CEP44: variants seen among roughly 807,000 people sequenced by gnomAD.
CEP44 encodes the protein centrosomal protein of 44 kDa.
In CEP44, 45 loss-of-function variants were observed where a neutral mutation model predicts 46.7. That is an observed-to-expected ratio of 0.96 (90% CI 0.76 to 1.24). The LOEUF (loss-of-function observed/expected upper bound fraction) is 1.24, where lower values mean the gene tolerates loss of function less well. Ranked by LOEUF, CEP44 falls within the 50% of genes most tolerant of loss-of-function variation. The probability of loss-of-function intolerance (pLI) is 0.00; values close to 1 mark genes in which losing one functional copy is unlikely to be tolerated. For missense variants in CEP44, 475 were observed against 459.7 expected (o/e 1.03, Z -0.30); for synonymous variants, 142 against 146.0 (o/e 0.97, Z 0.20).
Position 174,309,757 on chromosome 4 carries a change from C to G in CEP44, c.679-93C>G, listed in dbSNP as rs968100458. ...TCTCAAGCAGGACGGTCTCTCCTAA[C>G]TGTTGAGATAACGCTGTGGAAGTGA... On this transcript the variant is annotated intron_variant, in intron 7 of 11. Coordinates refer to ENST00000503780, the MANE Select transcript of CEP44 (RefSeq NM_001040157.3). The surrounding 1 kb of genome is among the most constrained non-coding windows in gnomAD (Gnocchi z 5.3). The G allele has an allele frequency of 2.4e-5, 21 of 863,992 alleles. No individual in the cohort carries two copies. The highest frequency in any genetic ancestry group is 3.6e-5 in the Non-Finnish European group (20 of 557,892). The allele number at this position is 863,992 out of a possible 1,614,324, so 53.5% of individuals were successfully genotyped here.
At chr4:174,322,160 GAA>G (rs1247198266), downstream of CEP44, among the ~76,000 whole-genome samples, 5 of 152,118 alleles carry the variant, frequency 3.3e-5, no homozygotes, top group African/African-American at 1.2e-4. Context: ...ACTGCCATGA[GAA>G]AGTAGAAAAA....
downstream of CEP44, among the ~76,000 whole-genome samples, chr4:174,321,131 C>G (rs149076815): frequency 1.3e-5 from 2 of 152,244 alleles, no homozygotes; most frequent in Non-Finnish European, 2.9e-5. Flanking sequence ...CTGCTCTTGA[C>G]CTACTTACTA....
chr4:174,332,979 A>G (rs1464360284), exon 9 of CEP44: 1 of 152,098 alleles, frequency 6.6e-6, no homozygotes, highest in Middle Eastern at 3.2e-3. Context: ...ACATTTTAAG[A>G]GTTCTTCGGA....
intron 4 of CEP44, among the ~76,000 whole-genome samples, chr4:174,303,027 A>G (rs757486104): frequency 6.6e-6 from 1 of 151,988 alleles, no homozygotes; most frequent in African/African-American, 2.4e-5. Context: ...TGCTCTGCCC[A>G]CCTTGGCCTC....
At chr4:174,330,517 A>T (rs915190874) in intron 8 of CEP44, among the ~76,000 whole-genome samples, 1 of 152,074 alleles carries the variant, frequency 6.6e-6, no homozygotes, top group South Asian at 2.1e-4. Flanking sequence ...TATGTGATAC[A>T]TGTAATTTTT....
At position 174,310,372 on chromosome 4, in the gene CEP44, G is replaced by A. The variant is rs1422294802; in HGVS notation, c.885+316G>A. ...TAAAATTATTTTATATCTTTTAATA[G>A]TACAAATAACCTATTTTCATAGGGT... On this transcript the variant is annotated intron_variant, in intron 8 of 11. Transcript: ENST00000503780. This position sits in a 1 kb window ranked among gnomAD's most constrained non-coding sequence, Gnocchi z 4.2. 6.6e-6 allele frequency among the ~76,000 whole-genome samples: 1 copy of A among 151,874 alleles called. No homozygotes were observed. The highest frequency in any genetic ancestry group is 6.6e-5 in the Admixed American group (1 of 15,238).
intron 9 of CEP44, among the ~76,000 whole-genome samples, chr4:174,313,573 T>C (rs911183949): frequency 6.6e-6 from 1 of 152,144 alleles, no homozygotes; most frequent in Non-Finnish European, 1.5e-5. Context: ...TTCACAAAGG[T>C]TATCATCAAA....
intron 8 of CEP44, among the ~76,000 whole-genome samples, chr4:174,330,852 A>C (rs1731284989): frequency 7.0e-6 from 1 of 143,390 alleles, no homozygotes; most frequent in African/African-American, 2.6e-5. Context: ...TTCATTCTCA[A>C]CCTCTTTATT....
Position 174,310,090 on chromosome 4 carries a change from C to A in CEP44, c.885+34C>A. The A allele has an allele frequency of 6.4e-7, 1 of 1,565,134 alleles. No individual in the cohort carries two copies. Among genetic ancestry groups the A allele is most frequent in the South Asian group, 1.2e-5 (1 of 83,996 alleles). On this transcript the variant is annotated intron_variant, in intron 8 of 11. Transcript: ENST00000503780. The surrounding 1 kb of genome is among the most constrained non-coding windows in gnomAD (Gnocchi z 4.2). ...CTCCTTTAACATTTATAAAATATCT[C>A]AGATATAACAAAGTTTTTTTTTGAT...
At chr4:174,283,871 G>A (rs1388964218), upstream of CEP44, 7 of 398,816 alleles carry the variant, frequency 1.8e-5, no homozygotes, top group Non-Finnish European at 3.1e-5. The surrounding 1 kb of genome is among the most constrained non-coding windows in gnomAD (Gnocchi z 6.7). Context: ...CAGGAGTCTT[G>A]AACGCGGTGT....
chr4:174,331,399 G>A lies in CEP44; in HGVS notation c.1087-83G>A. On this transcript the variant is annotated intron_variant, in intron 8 of 8. Transcript: ENST00000426172. The surrounding 1 kb of genome is among the most constrained non-coding windows in gnomAD (Gnocchi z 4.5). ...GAGGAGGAAATATTAATAGCACTCTGACACTGCTCTAATTCCTATCTACCC... is the reference window on the plus strand; with the variant it reads ...GAGGAGGAAATATTAATAGCACTCTAACACTGCTCTAATTCCTATCTACCC... 1 of 1,435,222 alleles carries A rather than the reference G, an allele frequency of 7.0e-7. No homozygotes were observed. Among genetic ancestry groups the A allele is most frequent in the Non-Finnish European group, 9.4e-7 (1 of 1,064,370 alleles). 88.9% of individuals were successfully genotyped at this position (1,435,222 alleles called of 1,614,324 possible).
intron 1 of CEP44, among the ~76,000 whole-genome samples, chr4:174,292,733 C>G (rs2126520167): frequency 6.6e-6 from 1 of 152,074 alleles, no homozygotes; most frequent in Non-Finnish European, 1.5e-5. Context: ...TATGCTTCTC[C>G]TTTATTGAAC....
chr4:174,323,861 C>T (rs1302257795), downstream of CEP44, among the ~76,000 whole-genome samples: 1 of 152,028 alleles, frequency 6.6e-6, no homozygotes, highest in East Asian at 1.9e-4. Context: ...AGAGCTGATC[C>T]TAATTTCCTG....
chr4:174,289,924 C>T (rs773771524), intron 1 of CEP44, among the ~76,000 whole-genome samples: 38 of 151,680 alleles, frequency 2.5e-4, no homozygotes, highest in Non-Finnish European at 5.0e-4. Flanking sequence ...CTGCAACCTC[C>T]GCCTCCCGGG....
chr4:174,291,444 C>T (rs911904362), intron 1 of CEP44, among the ~76,000 whole-genome samples: 5 of 152,194 alleles, frequency 3.3e-5, no homozygotes, highest in Non-Finnish European at 4.4e-5. Flanking sequence ...TAATTGATTT[C>T]AGATTTTACT....
Position 174,302,109 on chromosome 4 carries a change from G to C in CEP44, c.160G>C (p.Val54Leu). The change falls in exon 4 of 12, where the codon GTA (valine) becomes CTA (leucine). Residue 54 changes from valine to leucine, a missense_variant. Transcript: ENST00000503780. ...SYSFTSYSPY[V>L]TELIMESNVE... ...TTCTTTTACCTCATACTCACCTTAT[G>C]TAACAGAACTTATAATGGAATCCAA... 1 of 1,612,086 alleles carries C rather than the reference G, an allele frequency of 6.2e-7. No individual in the cohort carries two copies. The highest frequency in any genetic ancestry group is 1.3e-5 in the African/African-American group (1 of 74,916).
Position 174,297,141 on chromosome 4 carries a change from A to G in CEP44, c.-147-825A>G, listed in dbSNP as rs1739131679. On this transcript the variant is annotated intron_variant, in intron 1 of 11. Coordinates refer to ENST00000503780, the MANE Select transcript of CEP44 (RefSeq NM_001040157.3). The surrounding 1 kb of genome is among the most constrained non-coding windows in gnomAD (Gnocchi z 4.3). ...TATAGACAACATGTAGTTAGATCTTATTTTTGATCCACTTTAACAATCTCT... is the reference window on the plus strand; with the variant it reads ...TATAGACAACATGTAGTTAGATCTTGTTTTTGATCCACTTTAACAATCTCT... Among the ~76,000 whole-genome samples, 1 of 152,084 alleles carries G rather than the reference A, an allele frequency of 6.6e-6. No homozygotes were observed. Among genetic ancestry groups the G allele is most frequent in the African/African-American group, 2.4e-5 (1 of 41,426 alleles).
chr4:174,295,907 G>T (rs908714836), intron 1 of CEP44, among the ~76,000 whole-genome samples: 35 of 152,242 alleles, frequency 2.3e-4, no homozygotes, highest in African/African-American at 8.2e-4. Flanking sequence ...TTATGGATGG[G>T]TGTTAGATTT....
chr4:174,313,397 G>C (rs901641564), intron 9 of CEP44, among the ~76,000 whole-genome samples: 5 of 103,376 alleles, frequency 4.8e-5, no homozygotes, highest in African/African-American at 1.3e-4. Flanking sequence ...AAAAAAAAAG[G>C]TGTGCTACCA....
Sources: allele counts gnomAD v4.1 joint callset (sites outside exome capture counted in the v4.1 genomes callset), GRCh38; gene constraint gnomAD v4.1.1; non-coding constraint Gnocchi (gnomAD v3.1); transcripts MANE v1.5; gene names NCBI Gene and HGNC (gene_info 2026-07-23, HGNC 2026-07-21).